Variants in EVL observed in about 807,000 individuals in gnomAD.
EVL encodes the protein ena/VASP-like protein.
A neutral mutation model predicts 59.6 loss-of-function variants in EVL; 21 were observed. The ratio of observed to expected loss-of-function variants is 0.35; its 90% CI spans 0.25 to 0.51. The LOEUF is 0.51. Ranked by LOEUF, EVL falls within the 20% of genes least tolerant of loss-of-function variation. The pLI is 0.97. For missense variants in EVL, 462 were observed against 546.6 expected (o/e 0.85, Z 1.54); for synonymous variants, 198 against 203.5 (o/e 0.97, Z 0.23).
chr14:100,116,446 A>G (rs1887352393), intron 3 of EVL, among the ~76,000 whole-genome samples: 1 of 152,116 alleles, frequency 6.6e-6, no homozygotes. Flanking sequence ...TCCCATAGAG[A>G]CTAACTGGAA....
intron 1 of EVL, among the ~76,000 whole-genome samples, chr14:100,020,330 C>G (rs2061099408): frequency 1.3e-5 from 2 of 151,970 alleles, no homozygotes; most frequent in African/African-American, 4.8e-5. Flanking sequence ...GGAATCTATC[C>G]CTGTATATAA....
chr14:100,098,444 A>G (rs1885970853), intron 3 of EVL, among the ~76,000 whole-genome samples: 1 of 152,198 alleles, frequency 6.6e-6, no homozygotes, highest in Non-Finnish European at 1.5e-5. Flanking sequence ...GAGATTGGAA[A>G]TGAAATTGGA....
In EVL at chr14:99,993,063, T is replaced by TC. The variant is rs1012559112; in HGVS notation, c.5+21006_5+21007insC. On this transcript the variant is annotated intron_variant, in intron 1 of 13. Coordinates refer to the EVL transcript ENST00000402714. ...TTGGTGGTGGCGTATAATCCTTTTT[T>TC]TTTTTTTTTTTTGAGACGGAGTCTT... is the stretch of plus-strand genomic sequence containing the variant. 1.2e-4 allele frequency among the ~76,000 whole-genome samples: 18 copies of TC among 149,830 alleles called. No individual in the cohort carries two copies. The East Asian group carries it at 2.5e-3, about 21-fold the overall frequency.
chr14:100,082,902 A>G (rs1845511172), intron 1 of EVL, among the ~76,000 whole-genome samples: 1 of 152,206 alleles, frequency 6.6e-6, no homozygotes, highest in African/African-American at 2.4e-5. Context: ...CCCCTGCCAC[A>G]TTCAGTCAGC....
At chr14:100,056,311 A>G (rs1456365804) in intron 1 of EVL, among the ~76,000 whole-genome samples, 1 of 149,974 alleles carries the variant, frequency 6.7e-6, no homozygotes, top group East Asian at 1.9e-4. Context: ...CTTTGACCCT[A>G]TTCTAAGTTT....
chr14:100,086,596 C>T (rs1183310984), intron 2 of EVL, among the ~76,000 whole-genome samples: 2 of 152,248 alleles, frequency 1.3e-5, no homozygotes, highest in East Asian at 1.9e-4. Flanking sequence ...AAAACCCAAA[C>T]ACCGCCTGTT....
At chr14:100,102,099 A>G (rs1455809274) in intron 3 of EVL, among the ~76,000 whole-genome samples, 1 of 152,160 alleles carries the variant, frequency 6.6e-6, no homozygotes, top group African/African-American at 2.4e-5. Context: ...CAGCCTCCCA[A>G]AGTGCTGGGA....
At chr14:100,029,820 C>T (rs942885628) in intron 1 of EVL, among the ~76,000 whole-genome samples, 4 of 152,104 alleles carry the variant, frequency 2.6e-5, no homozygotes, top group Non-Finnish European at 4.4e-5. Flanking sequence ...GCTGTCTTCT[C>T]AGGGTATAAC....
rs374736001 is a variant in EVL, at chr14:100,136,107, T to C, written c.964+139T>C. On this transcript the variant is annotated intron_variant, in intron 9 of 13. Coordinates refer to ENST00000392920, the MANE Select transcript of EVL (RefSeq NM_016337.3). ...CCAGGCCACAGGGAAGCCCATTTCTTATGGGTCCCCCAGAGCCTCCCCCAG... is the reference window on the plus strand; with the variant it reads ...CCAGGCCACAGGGAAGCCCATTTCTCATGGGTCCCCCAGAGCCTCCCCCAG... The C allele has an allele frequency of 3.6e-3, 3,181 of 881,342 alleles. 68 individuals are homozygous for C. The African/African-American group carries it at 0.049, about 13-fold the overall frequency. 54.6% of individuals were successfully genotyped at this position (881,342 alleles called of 1,614,324 possible).
intron 1 of EVL, among the ~76,000 whole-genome samples, chr14:100,042,047 G>T (rs1318123091): frequency 6.6e-6 from 1 of 152,040 alleles, no homozygotes; most frequent in Non-Finnish European, 1.5e-5. Context: ...AAAAAGAATG[G>T]ATCATATTAA....
At chr14:100,110,150 A>T (rs1886869075) in intron 3 of EVL, among the ~76,000 whole-genome samples, 1 of 152,216 alleles carries the variant, frequency 6.6e-6, no homozygotes, top group South Asian at 2.1e-4. Flanking sequence ...AGGTCAGGGG[A>T]TCACTTCAGT....
At chr14:100,058,471 G>A (rs138513433) in intron 1 of EVL, among the ~76,000 whole-genome samples, 4 of 152,244 alleles carry the variant, frequency 2.6e-5, no homozygotes, top group African/African-American at 7.2e-5. Flanking sequence ...GGTGCTGAGC[G>A]CAATTCATGG....
intron 1 of EVL, among the ~76,000 whole-genome samples, chr14:100,028,893 C>T (rs777780405): frequency 2.0e-5 from 3 of 152,094 alleles, no homozygotes; most frequent in Non-Finnish European, 4.4e-5. Context: ...GATCTAGAGT[C>T]CCAATATCTG....
intron 1 of EVL, among the ~76,000 whole-genome samples, chr14:99,993,393 G>A (rs138934899): frequency 0.027 from 4,051 of 152,020 alleles, 77 homozygotes; most frequent in Non-Finnish European, 0.041. Flanking sequence ...AATTCAGTTT[G>A]TTAGTATTTT....
chr14:100,021,205 A>G (rs1303519660), intron 1 of EVL, among the ~76,000 whole-genome samples: 3 of 152,122 alleles, frequency 2.0e-5, no homozygotes, highest in Non-Finnish European at 4.4e-5. Context: ...ATTACGTTTC[A>G]TGGTTAGGGA....
chr14:100,096,364 C>T (rs763174639), intron 2 of EVL, among the ~76,000 whole-genome samples: 119 of 152,326 alleles, frequency 7.8e-4, no homozygotes, highest in Non-Finnish European at 6.5e-4. Flanking sequence ...GCTGGCTCTC[C>T]GGCCTCATCC....
rs570500700 is a variant in EVL at position 100,097,847 on chromosome 14, G to A, written c.358+189G>A. The A allele has an allele frequency of 5.0e-4, 261 of 522,486 alleles. 3 individuals are homozygous for A. The South Asian group carries it at 7.5e-3, about 15-fold the overall frequency. The allele number at this position is 522,486 out of a possible 1,614,324, so 32.4% of individuals were successfully genotyped here. A position where few individuals can be genotyped will look rare whatever the true frequency, so the allele number is the denominator to read the frequency against. On this transcript the variant is annotated intron_variant, in intron 3 of 13. Transcript: ENST00000392920. ...TTAACAATTCAGAGGAGGAAAGAAT[G>A]GAGTTTGTATCTCTTTGCCACTTGT...
intron 1 of EVL, among the ~76,000 whole-genome samples, chr14:99,993,211 C>T (rs562013753): frequency 6.6e-6 from 1 of 152,012 alleles, no homozygotes; most frequent in South Asian, 2.1e-4. Context: ...GCACGTGCCA[C>T]CACGCCTGGC....
intron 1 of EVL, among the ~76,000 whole-genome samples, chr14:99,995,506 T>G (rs150807432): frequency 1.3e-5 from 2 of 152,188 alleles, no homozygotes; most frequent in East Asian, 3.9e-4. Context: ...CTGATTTCTT[T>G]AGTTTTCTAT....
Sources: gnomAD v4.1 joint callset for allele counts (sites outside exome capture counted in the v4.1 genomes callset) on GRCh38, gnomAD v4.1.1 for gene constraint, MANE v1.5 for transcripts, NCBI Gene and HGNC (gene_info 2026-07-23, HGNC 2026-07-21) for gene names.